The following MYO3A variants were observed in gnomAD, a reference collection of about 807,000 sequenced individuals.
MYO3A encodes the protein myosin IIIA.
In MYO3A, 180 loss-of-function variants were observed where a neutral mutation model predicts 192.7. The observed-to-expected ratio is 0.93, with a 90% confidence interval of 0.83 to 1.06. The LOEUF (loss-of-function observed/expected upper bound fraction) is 1.06. Ranked by LOEUF, MYO3A falls within the 50% of genes least tolerant of loss-of-function variation. The probability of loss-of-function intolerance (pLI) is 0.00; values close to 1 mark genes in which losing one functional copy is unlikely to be tolerated. For missense variants in MYO3A, 1,896 were observed against 1,905.0 expected (o/e 1.00, Z 0.09); for synonymous variants, 628 against 645.3 (o/e 0.97, Z 0.41).
At chr10:26,025,395 G>T (rs1359932547) in intron 9 of MYO3A, among the ~76,000 whole-genome samples, 2 of 152,012 alleles carry the variant, frequency 1.3e-5, no homozygotes, top group East Asian at 3.9e-4. Flanking sequence ...GTGAATTGCA[G>T]GGTTAAAGGG....
chr10:25,934,517 G>A (rs1383422674), intron 1 of MYO3A, among the ~76,000 whole-genome samples, 189 bp downstream of exon 1: 1 of 152,060 alleles, frequency 6.6e-6, no homozygotes, highest in Non-Finnish European at 1.5e-5. Context: ...TGTGTTTGTC[G>A]GGGCCTGGGG....
chr10:26,126,198 A>G (rs1292148231), intron 19 of MYO3A, among the ~76,000 whole-genome samples: 2 of 152,140 alleles, frequency 1.3e-5, no homozygotes, highest in Non-Finnish European at 1.5e-5. Context: ...AATTACAGCC[A>G]CGACTGACTG....
Position 26,096,458 on chromosome 10 carries a change from T to C in MYO3A, c.1640T>C (p.Leu547Pro). Residue 547 changes from leucine to proline, a missense_variant, in exon 16 of 35, where the codon CTG becomes CCG. Coordinates refer to ENST00000642920, the MANE Select transcript of MYO3A (RefSeq NM_017433.5). ...AEKKKLAHYK[L>P]PENKPPRYLQ... ...AAGAAGAAACTAGCCCATTACAAAC[T>C]GCCTGAAAATAAGCCTCCCAGGTAA... 1 of 1,613,784 alleles carries C rather than the reference T, an allele frequency of 6.2e-7. No homozygotes were observed. Among genetic ancestry groups the C allele is most frequent in the African/African-American group, 1.3e-5 (1 of 75,048 alleles).
chr10:26,110,859 G>A (rs190816264), intron 17 of MYO3A, among the ~76,000 whole-genome samples: 1 of 148,314 alleles, frequency 6.7e-6, no homozygotes, highest in Admixed American at 6.8e-5. Context: ...CGTTTTTTGG[G>A]TTTTCTTTTC....
intron 14 of MYO3A, among the ~76,000 whole-genome samples, chr10:26,078,397 TC>T (rs1456548570): frequency 6.6e-6 from 1 of 152,062 alleles, no homozygotes; most frequent in Non-Finnish European, 1.5e-5. Context: ...TCTTTTCTTT[TC>T]TTGGTTAATC....
At chr10:26,140,024 T>C (rs1158308897) in intron 20 of MYO3A, among the ~76,000 whole-genome samples, 2 of 151,960 alleles carry the variant, frequency 1.3e-5, no homozygotes, top group African/African-American at 2.4e-5. Context: ...CATGGTAGAG[T>C]GCATGGAGAG....
intron 26 of MYO3A, among the ~76,000 whole-genome samples, chr10:26,162,029 T>C (rs1222714489): frequency 6.6e-6 from 1 of 152,174 alleles, no homozygotes; most frequent in Non-Finnish European, 1.5e-5. Context: ...ATTAAGAAAC[T>C]CACAGACCTG....
In MYO3A at chr10:26,117,319, AT is replaced by A. The variant is rs1838571089; in HGVS notation, c.1777-3354del. Among the ~76,000 whole-genome samples, 5 of 152,322 alleles carry A rather than the reference AT, an allele frequency of 3.3e-5. No individual in the cohort carries two copies. In the South Asian group the frequency reaches 1.0e-3, roughly 32 times the overall value. ...ATCCTTATCGAGGGTAAAAAAACAC[AT>A]TTAAAAAAACTGTTATTTAAGTTCA... On this transcript the variant is annotated intron_variant, in intron 17 of 34. Transcript: ENST00000642920.
chr10:26,202,845 A>T, intron 33 of MYO3A, 119 bp from the exon 34 acceptor site: 1 of 1,124,834 alleles, frequency 8.9e-7, no homozygotes, highest in Non-Finnish European at 1.3e-6. Context: ...ATTTCTATTG[A>T]CATGTGTATG....
intron 20 of MYO3A, among the ~76,000 whole-genome samples, chr10:26,141,422 T>C (rs1043045487): frequency 4.6e-5 from 7 of 152,198 alleles, no homozygotes; most frequent in Non-Finnish European, 1.0e-4. Context: ...TCTTCCTTGG[T>C]TTGCCTGAAG....
intron 2 of MYO3A, among the ~76,000 whole-genome samples, chr10:25,942,888 G>A (rs1379256723): frequency 6.6e-6 from 1 of 150,936 alleles, no homozygotes; most frequent in African/African-American, 2.4e-5. Context: ...TGTGAAGATT[G>A]TCTTTTCACT....
chr10:26,174,623 AC>A (rs1842226404), intron 30 of MYO3A, 66 bp downstream of exon 30: 3 of 1,322,722 alleles, frequency 2.3e-6, no homozygotes, highest in Non-Finnish European at 1.1e-6. Context: ...ACTGAATTAA[AC>A]ACATAATTAA....
rs370314254 is a variant in MYO3A at position 26,125,484 on chromosome 10, C to A, written c.1990C>A (p.Arg664=). The change falls in exon 19 of 35, where the codon CGA becomes AGA. Residue 664 remains arginine (R), a synonymous_variant. Transcript: ENST00000642920. ...CVVTRGETII[R]PNTVEKATDV... ...GGTCACTAGAGGAGAAACAATTATACGACCCAATACTGTAGAAAAAGCTAC... is the reference window on the plus strand; with the variant it reads ...GGTCACTAGAGGAGAAACAATTATAAGACCCAATACTGTAGAAAAAGCTAC... 2.7e-5 allele frequency: 43 copies of A among 1,613,866 alleles called. No individual in the cohort carries two copies. The highest frequency in any genetic ancestry group is 3.5e-5 in the Non-Finnish European group (41 of 1,179,912).
At chr10:26,056,581 G>T (rs17738967) in intron 10 of MYO3A, among the ~76,000 whole-genome samples, 71,889 of 152,006 alleles carry the variant, frequency 0.47, 17,850 homozygotes, top group Middle Eastern at 0.59. Context: ...GTGATGATCT[G>T]CTATAAACAG....
chr10:26,023,904 T>A, intron 8 of MYO3A, 118 bp from the exon 9 acceptor site: 1 of 885,920 alleles, frequency 1.1e-6, no homozygotes, highest in Non-Finnish European at 1.9e-6. Context: ...TGGGAAAAGA[T>A]GGAATCCTTG....
At chr10:26,192,710 A>G (rs1843208539) in intron 31 of MYO3A, among the ~76,000 whole-genome samples, 3 of 148,726 alleles carry the variant, frequency 2.0e-5, no homozygotes, top group African/African-American at 7.6e-5. Flanking sequence ...CTGGAATGCA[A>G]TGGCACGGTC....
At chr10:25,988,939 CTTTTT>C (rs56308717) in intron 4 of MYO3A, among the ~76,000 whole-genome samples, 1 of 117,016 alleles carries the variant, frequency 8.5e-6, no homozygotes, top group East Asian at 2.5e-4. Context: ...CCCTAAAACT[CTTTTT>C]TTTTTTTTTT....
intron 20 of MYO3A, among the ~76,000 whole-genome samples, chr10:26,139,562 G>A (rs1276955996): frequency 6.6e-6 from 1 of 152,144 alleles, no homozygotes; most frequent in African/African-American, 2.4e-5. Flanking sequence ...AGTTAGAAGT[G>A]TTTATTATTA....
intron 8 of MYO3A, chr10:26,022,540 T>G (rs997671198): frequency 5.3e-5 from 8 of 152,204 alleles, no homozygotes; most frequent in Non-Finnish European, 8.8e-5. Flanking sequence ...TTCCAAATTA[T>G]AATACCTTGG....
Sources: allele counts gnomAD v4.1 joint callset (sites outside exome capture counted in the v4.1 genomes callset), GRCh38; gene constraint gnomAD v4.1.1; transcripts MANE v1.5; gene names NCBI Gene and HGNC (gene_info 2026-07-23, HGNC 2026-07-21).